Variants in APAF1 observed in about 807,000 individuals in gnomAD.
APAF1 encodes the protein apoptotic peptidase activating factor 1.
Under a neutral mutation model 152.4 loss-of-function variants are expected in APAF1, and 91 were observed. The observed-to-expected ratio is 0.60, with a 90% CI of 0.50 to 0.71. The LOEUF (loss-of-function observed/expected upper bound fraction) is 0.71, where lower values mean the gene tolerates loss of function less well. APAF1 is among the 30% of genes least tolerant of loss of function. The pLI is 0.00. For synonymous variants in APAF1, 484 were observed against 494.1 expected (o/e 0.98, Z 0.27); for missense variants, 1,283 against 1,472.0 (o/e 0.87, Z 2.10).
Position 98,680,385 on chromosome 12 carries a change from G to C in APAF1, c.2029G>C (p.Val677Leu), listed in dbSNP as rs757500870. 7 of 1,613,526 alleles carry C rather than the reference G, an allele frequency of 4.3e-6. No homozygotes were observed. Among genetic ancestry groups the C allele is most frequent in the Non-Finnish European group, 5.9e-6 (7 of 1,179,966 alleles). ...TGACAGATTTATAGCAACCTGCTCAGTGGATAAAAAAGTGAAGGTAGGAAA... is the reference window on the plus strand; with the variant it reads ...TGACAGATTTATAGCAACCTGCTCACTGGATAAAAAAGTGAAGGTAGGAAA... ...TDDRFIATCSVDKKVKIWNSM... is the reference protein window; with the variant it reads ...TDDRFIATCSLDKKVKIWNSM... The change falls in exon 14 of 27, where the codon GTG (valine) becomes CTG (leucine). Residue 677 changes from valine to leucine, a missense_variant. Transcript: ENST00000551964.
chr12:98,657,645 A>T (rs998603929), intron 4 of APAF1, among the ~76,000 whole-genome samples: 1 of 152,242 alleles, frequency 6.6e-6, no homozygotes, highest in Non-Finnish European at 1.5e-5. Flanking sequence ...TAGTAGGTTA[A>T]GGTGGGTTGT....
chr12:98,706,268 C>T (rs1463391150), intron 18 of APAF1, among the ~76,000 whole-genome samples: 1 of 151,914 alleles, frequency 6.6e-6, no homozygotes, highest in African/African-American at 2.4e-5. Context: ...CAGTTGGTTC[C>T]CTATTGATGA....
chr12:98,691,931 T>C lies in APAF1; in HGVS notation c.2304+5058T>C, dbSNP rs562681565. 1.8e-3 allele frequency among the ~76,000 whole-genome samples: 276 copies of C among 152,288 alleles called. 1 individual carries two copies. Among genetic ancestry groups the C allele is most frequent in the African/African-American group, 6.4e-3 (265 of 41,560 alleles). Reference sequence around the variant, plus strand: ...TGGCTTCAACTCATCTTTTTTCAGGTATGTCATCTGCAACCTTCATTTTAT... The same window carrying C: ...TGGCTTCAACTCATCTTTTTTCAGGCATGTCATCTGCAACCTTCATTTTAT... On this transcript the variant is annotated intron_variant, in intron 16 of 26. Transcript: ENST00000551964.
chr12:98,687,293 T>A (rs1189163488), intron 16 of APAF1, among the ~76,000 whole-genome samples: 1 of 146,750 alleles, frequency 6.8e-6, no homozygotes, highest in Admixed American at 7.0e-5. Context: ...ACCCGGGAGG[T>A]GGAGGTTGCA....
At chr12:98,664,678 T>A (rs550927820) in intron 7 of APAF1, among the ~76,000 whole-genome samples, 1 of 152,030 alleles carries the variant, frequency 6.6e-6, no homozygotes, top group African/African-American at 2.4e-5. Context: ...GGACTGCAGA[T>A]ACCCACCACC....
At chr12:98,648,974 C>A in intron 3 of APAF1, 159 bp downstream of exon 3, 1 of 821,952 alleles carries the variant, frequency 1.2e-6, no homozygotes, top group Non-Finnish European at 2.0e-6. Flanking sequence ...TTTTTATTTG[C>A]ATCCACATTA....
intron 1 of APAF1, among the ~76,000 whole-genome samples, chr12:98,646,288 T>A (rs918117654): frequency 1.3e-5 from 2 of 152,244 alleles, no homozygotes; most frequent in African/African-American, 4.8e-5. Context: ...ACATTTTATG[T>A]TTAAGAGGAC....
At chr12:98,679,255 T>G (rs2097689801) in intron 13 of APAF1, among the ~76,000 whole-genome samples, 1 of 152,078 alleles carries the variant, frequency 6.6e-6, no homozygotes, top group African/African-American at 2.4e-5. Context: ...GCCCCCTCTT[T>G]GCTGAGAGCT....
At position 98,665,668 on chromosome 12, in the gene APAF1, G is replaced by C. The variant is rs757046622; in HGVS notation, c.1071G>C (p.Ser357=). Residue 357 remains serine (S), a synonymous_variant, in exon 8 of 27, where the codon TCG becomes TCC. Transcript: ENST00000551964. ...AGTTTAAGAGAATAAGGAAATCTTC[G>C]TCTTATGATTATGAGGCTCTAGATG... ...NKQFKRIRKS[S]SYDYEALDEA... 6.2e-7 allele frequency: 1 copy of C among 1,613,776 alleles called. No homozygotes were observed. Among genetic ancestry groups the C allele is most frequent in the Non-Finnish European group, 8.5e-7 (1 of 1,179,862 alleles).
At chr12:98,651,432 A>G (rs1331950675) in intron 4 of APAF1, among the ~76,000 whole-genome samples, 1 of 152,128 alleles carries the variant, frequency 6.6e-6, no homozygotes, top group Non-Finnish European at 1.5e-5. Flanking sequence ...TCTGTTTTTT[A>G]TCTCCCATGA....
At chr12:98,713,201 G>A (rs1169702378) in intron 21 of APAF1, among the ~76,000 whole-genome samples, 2 of 152,114 alleles carry the variant, frequency 1.3e-5, no homozygotes, top group Non-Finnish European at 2.9e-5. Flanking sequence ...TTATCCAGTT[G>A]GCTGTATATT....
At chr12:98,670,341 G>A (rs558979913) in intron 10 of APAF1, among the ~76,000 whole-genome samples, 15 of 152,138 alleles carry the variant, frequency 9.9e-5, no homozygotes, top group African/African-American at 3.6e-4. Flanking sequence ...GTGAGATTTT[G>A]GCCATCTGTG....
chr12:98,697,841 A>G (rs2097711445), intron 16 of APAF1, among the ~76,000 whole-genome samples: 1 of 152,212 alleles, frequency 6.6e-6, no homozygotes, highest in Non-Finnish European at 1.5e-5. Context: ...TCCTGCCCCA[A>G]ATGGCTCTAT....
intron 16 of APAF1, among the ~76,000 whole-genome samples, chr12:98,691,609 G>C (rs907986359): frequency 1.4e-4 from 22 of 151,780 alleles, no homozygotes; most frequent in African/African-American, 5.1e-4. Context: ...AATTTTTTTT[G>C]TAGTCTAAGG....
At chr12:98,723,882 G>A in intron 24 of APAF1, 118 bp downstream of exon 24, 1 of 1,131,780 alleles carries the variant, frequency 8.8e-7, no homozygotes, top group Non-Finnish European at 1.3e-6. Flanking sequence ...TTCATATTTT[G>A]TGATCTTTTG....
At chr12:98,682,901 T>C (rs2097693943) in intron 14 of APAF1, among the ~76,000 whole-genome samples, 1 of 152,220 alleles carries the variant, frequency 6.6e-6, no homozygotes, top group South Asian at 2.1e-4. Flanking sequence ...CATGTGTTCA[T>C]GACACTCTAG....
chr12:98,649,502 G>T lies in APAF1; in HGVS notation c.344G>T (p.Cys115Phe), dbSNP rs780803533. Residue 115 changes from cysteine to phenylalanine, a missense_variant, in exon 4 of 27, where the codon TGT (cysteine) becomes TTT (phenylalanine). By Grantham distance (205) the Cys-to-Phe change is radical (BLOSUM62 -2). Transcript: ENST00000551964. ...GITSYVRTVLCEGGVPQRPVV... is the reference protein window; with the variant it reads ...GITSYVRTVLFEGGVPQRPVV... Reference sequence around the variant, plus strand: ...TGGATTTTAGTAAGGACAGTCCTGTGTGAAGGTGGAGTACCACAGAGGCCA... The same window carrying T: ...TGGATTTTAGTAAGGACAGTCCTGTTTGAAGGTGGAGTACCACAGAGGCCA... 13 of 1,614,054 alleles carry T rather than the reference G, an allele frequency of 8.1e-6. No individual in the cohort carries two copies. The highest frequency in any genetic ancestry group is 1.1e-5 in the Non-Finnish European group (13 of 1,180,010).
chr12:98,716,915 G>A (rs56115813), intron 22 of APAF1, among the ~76,000 whole-genome samples: 9,765 of 151,912 alleles, frequency 0.064, 443 homozygotes, highest in Non-Finnish European at 0.098. Context: ...ACCCAGGCTG[G>A]AGTGCAGTGG....
At chr12:98,683,376 C>T in intron 15 of APAF1, 102 bp downstream of exon 15, 1 of 1,155,048 alleles carries the variant, frequency 8.7e-7, no homozygotes, top group Non-Finnish European at 1.3e-6. Context: ...TTTCTGGTCA[C>T]AATGATAGAA....
Sources: allele counts gnomAD v4.1 joint callset (sites outside exome capture counted in the v4.1 genomes callset), GRCh38; gene constraint gnomAD v4.1.1; transcripts MANE v1.5; gene names NCBI Gene and HGNC (gene_info 2026-07-23, HGNC 2026-07-21).